Variants in SKA2 observed in about 807,000 individuals in gnomAD.
SKA2 encodes the protein spindle and kinetochore-associated protein 2.
SKA2 carries 13 observed loss-of-function variants against 16.9 expected under a neutral mutation model. The ratio of observed to expected loss-of-function variants is 0.77; its 90% CI spans 0.50 to 1.22. SKA2 has a LOEUF of 1.22. SKA2 is among the 50% of genes most tolerant of loss of function. The pLI is 0.00. For synonymous variants in SKA2, 47 were observed against 48.5 expected (o/e 0.97, Z 0.13); for missense variants, 107 against 139.7 (o/e 0.77, Z 1.18).
At chr17:59,122,902 C>T (rs1384137081) in intron 2 of SKA2, among the ~76,000 whole-genome samples, 7 of 151,292 alleles carry the variant, frequency 4.6e-5, no homozygotes, top group Admixed American at 2.0e-4. Context: ...GGATTACAGG[C>T]GTGAACCACT....
intron 2 of SKA2, among the ~76,000 whole-genome samples, chr17:59,123,711 G>A (rs1231026281): frequency 6.6e-6 from 1 of 152,080 alleles, no homozygotes; most frequent in Non-Finnish European, 1.5e-5. Context: ...ACTACATCAG[G>A]CCTATAGTAG....
intron 2 of SKA2, among the ~76,000 whole-genome samples, chr17:59,128,661 A>G (rs911739286): frequency 1.3e-5 from 2 of 152,030 alleles, no homozygotes; most frequent in African/African-American, 2.4e-5. Context: ...TAAGTGAAAA[A>G]GTTAGACATG....
chr17:59,139,522 T>G (rs1410762267), intron 1 of SKA2, among the ~76,000 whole-genome samples: 1 of 152,084 alleles, frequency 6.6e-6, no homozygotes, highest in Non-Finnish European at 1.5e-5. Context: ...TTTTTAAATT[T>G]TTTTTGTTTT....
chr17:59,115,265 C>G (rs2046288949), intron 3 of SKA2, among the ~76,000 whole-genome samples: 1 of 151,924 alleles, frequency 6.6e-6, no homozygotes, highest in Non-Finnish European at 1.5e-5. Flanking sequence ...ACCGTGTTGG[C>G]CAGGCTGGTC....
chr17:59,117,122 C>T (rs1317668139), intron 3 of SKA2, among the ~76,000 whole-genome samples: 2 of 151,864 alleles, frequency 1.3e-5, no homozygotes, highest in African/African-American at 4.8e-5. Flanking sequence ...GCCTCTTTGG[C>T]TTTCCTAACT....
intron 1 of SKA2, among the ~76,000 whole-genome samples, chr17:59,141,652 A>T (rs188250699): frequency 1.2e-3 from 178 of 147,624 alleles, no homozygotes; most frequent in Admixed American, 2.5e-3. Flanking sequence ...TGAGCCCGGG[A>T]GGTCCAGGCT....
Position 59,154,844 on chromosome 17 carries a change from A to G in SKA2, c.33+287T>C. Reference sequence around the variant, plus strand: ...ACAGAATGCGGTCTGCACCCGGCGCAGTTTCGTAAGGGGTGTAAAGGTGAG... The same window carrying G: ...ACAGAATGCGGTCTGCACCCGGCGCGGTTTCGTAAGGGGTGTAAAGGTGAG... On this transcript the variant is annotated intron_variant, in intron 1 of 3. Transcript: ENST00000330137. 2.6e-6 allele frequency: 3 copies of G among 1,151,352 alleles called. No individual in the cohort carries two copies. In the South Asian group the frequency reaches 4.3e-5, roughly 17 times the overall value. The allele number at this position is 1,151,352 out of a possible 1,614,324, so 71.3% of individuals were successfully genotyped here. A position where few individuals can be genotyped will look rare whatever the true frequency, so the allele number is the denominator to read the frequency against.
Position 59,115,210 on chromosome 17 carries a change from T to C in SKA2, c.298-2865A>G, listed in dbSNP as rs142415289. ...CTGGGATTACAGGTGCCCGCCACCA[T>C]GCCTGGCTAATTTTTTGTATTTCTT... On this transcript the variant is annotated intron_variant, in intron 3 of 3. Coordinates refer to ENST00000330137, the MANE Select transcript of SKA2 (RefSeq NM_182620.4). Among the ~76,000 whole-genome samples, 1,322 of 152,048 alleles carry C rather than the reference T, an allele frequency of 8.7e-3. 21 individuals carry two copies. The highest frequency in any genetic ancestry group is 0.03 in the African/African-American group (1,232 of 41,488).
chr17:59,118,813 T>C (rs2046313690), intron 3 of SKA2, among the ~76,000 whole-genome samples: 2 of 152,196 alleles, frequency 1.3e-5, no homozygotes, highest in Non-Finnish European at 2.9e-5. Context: ...CAAACTGACC[T>C]GGGTAATTAA....
At chr17:59,152,328 G>C (rs2046583704) in intron 1 of SKA2, among the ~76,000 whole-genome samples, 1 of 152,090 alleles carries the variant, frequency 6.6e-6, no homozygotes, top group African/African-American at 2.4e-5. Context: ...CAACTACTTA[G>C]TCGGATTGAG....
intron 2 of SKA2, 34 bp downstream of exon 2, chr17:59,131,247 G>T: frequency 6.7e-7 from 1 of 1,489,730 alleles, no homozygotes; most frequent in Non-Finnish European, 9.1e-7. Flanking sequence ...AGTTAAGGCT[G>T]ATTTTTTTTA....
chr17:59,125,414 C>A (rs1433599017), intron 2 of SKA2, among the ~76,000 whole-genome samples: 3 of 151,488 alleles, frequency 2.0e-5, no homozygotes, highest in Non-Finnish European at 4.4e-5. Context: ...TAAAAGGTTA[C>A]AAGAATGGCT....
intron 1 of SKA2, among the ~76,000 whole-genome samples, chr17:59,135,910 T>A (rs888987879): frequency 5.3e-5 from 8 of 151,362 alleles, no homozygotes; most frequent in Non-Finnish European, 1.2e-4. Context: ...TCTGCTAGAT[T>A]TGATGTGTAC....
At chr17:59,149,801 T>C (rs760558104) in intron 1 of SKA2, among the ~76,000 whole-genome samples, 6 of 152,176 alleles carry the variant, frequency 3.9e-5, no homozygotes, top group Non-Finnish European at 8.8e-5. Flanking sequence ...GACTGTATAA[T>C]GTATGATTCC....
At chr17:59,144,797 G>A (rs949208548) in intron 1 of SKA2, among the ~76,000 whole-genome samples, 7 of 151,980 alleles carry the variant, frequency 4.6e-5, no homozygotes, top group Non-Finnish European at 7.4e-5. Context: ...TTGTATAATG[G>A]GTATAGAGTT....
chr17:59,120,858 A>C (rs1041952462), intron 2 of SKA2, among the ~76,000 whole-genome samples: 1 of 152,154 alleles, frequency 6.6e-6, no homozygotes, highest in Non-Finnish European at 1.5e-5. Context: ...ACCACTCATC[A>C]AACAAAGGGT....
At chr17:59,149,297 C>A (rs911094414) in intron 1 of SKA2, among the ~76,000 whole-genome samples, 4 of 152,070 alleles carry the variant, frequency 2.6e-5, no homozygotes, top group African/African-American at 9.7e-5. Flanking sequence ...CATTTGAGCC[C>A]AGGAGTTAGA....
At position 59,119,434 on chromosome 17, in the gene SKA2, T is replaced by C. The variant is rs1225052644; in HGVS notation, c.182A>G (p.Tyr61Cys). ...AACAGCAACTGGTTTAAAGCGGGCA[T>C]ACAAAGTTTGATATCGAGACTTTAT... ...SVIKSRYQTLYARFKPVAVEQ... is the reference protein window; with the variant it reads ...SVIKSRYQTLCARFKPVAVEQ... The change falls in exon 3 of 4, where the codon TAT becomes TGT. Residue 61 changes from tyrosine to cysteine, a missense_variant. Transcript: ENST00000330137. The C allele has an allele frequency of 9.3e-6, 15 of 1,614,032 alleles. No homozygotes were observed. Among genetic ancestry groups the C allele is most frequent in the Non-Finnish European group, 1.3e-5 (15 of 1,179,886 alleles).
chr17:59,153,461 T>A (rs1276431745), intron 1 of SKA2, among the ~76,000 whole-genome samples: 1 of 152,066 alleles, frequency 6.6e-6, no homozygotes. Context: ...CAAAGAAAAT[T>A]TAAACACAAA....
Sources: gnomAD v4.1 joint callset for allele counts (sites outside exome capture counted in the v4.1 genomes callset) on GRCh38, gnomAD v4.1.1 for gene constraint, MANE v1.5 for transcripts, NCBI Gene and HGNC (gene_info 2026-07-23, HGNC 2026-07-21) for gene names.